Variants in SAMM50 observed in about 807,000 individuals in gnomAD.
SAMM50 encodes sorting and assembly machinery component 50 homolog.
In SAMM50, 47 loss-of-function variants were observed where a neutral mutation model predicts 66.9. That is an observed-to-expected ratio of 0.70 (90% CI 0.56 to 0.90). The LOEUF (loss-of-function observed/expected upper bound fraction) is 0.90. Among genes scored for constraint, SAMM50 ranks in the 40% least tolerant of loss-of-function variants. The pLI, the probability that SAMM50 is intolerant of heterozygous loss-of-function variation, is 0.00. For missense variants in SAMM50, 535 were observed against 595.3 expected, an observed-to-expected ratio of 0.90 and a Z score of 1.05; for synonymous variants, 191 against 214.1, an observed-to-expected ratio of 0.89 and a Z score of 0.94.
At chr22:43,955,632 C>A in intron 1 of SAMM50, 34 bp downstream of exon 1, 1 of 1,570,102 alleles carries the variant, frequency 6.4e-7, no homozygotes, top group East Asian at 2.3e-5. Flanking sequence ...GCTGCGAGGC[C>A]TCTGGGCCAG....
chr22:43,973,097 C>G, intron 6 of SAMM50, 96 bp downstream of exon 6: 1 of 1,475,606 alleles, frequency 6.8e-7, no homozygotes, highest in Non-Finnish European at 9.2e-7. Flanking sequence ...AATCAGCTGC[C>G]ACTTCTGCAG....
chr22:43,960,370 A>G (rs1044154327), intron 1 of SAMM50, among the ~76,000 whole-genome samples: 1 of 152,144 alleles, frequency 6.6e-6, no homozygotes, highest in Admixed American at 6.5e-5. Flanking sequence ...GAAAGAACGG[A>G]AAAGTCGTTC....
At chr22:43,966,779 T>C (rs1359510727) in intron 3 of SAMM50, among the ~76,000 whole-genome samples, 2 of 150,800 alleles carry the variant, frequency 1.3e-5, no homozygotes, top group East Asian at 3.9e-4. Context: ...TTTTAAATTG[T>C]ATTTATTTAA....
At chr22:43,982,491 G>C (rs1231965761) in intron 11 of SAMM50, among the ~76,000 whole-genome samples, 3 of 152,158 alleles carry the variant, frequency 2.0e-5, no homozygotes, top group Non-Finnish European at 2.9e-5. Flanking sequence ...GTAGCACCGA[G>C]GGCCTGGGAA....
Position 43,972,359 on chromosome 22 carries a change from T to A in SAMM50, c.429+17T>A, listed in dbSNP as rs2050208304. The A allele has an allele frequency of 2.8e-6, 4 of 1,434,612 alleles. No individual in the cohort carries two copies. In the East Asian group the frequency reaches 9.4e-5, roughly 34 times the overall value. 88.9% of individuals were successfully genotyped at this position (1,434,612 alleles called of 1,614,324 possible). A position where few individuals can be genotyped will look rare whatever the true frequency, so the allele number is the denominator to read the frequency against. The stretch of plus-strand genomic sequence containing the variant: ...GGCAGTATGGTATGCTACAGGCTTT[T>A]TACTTTCTTATATTGGAACTTAGAG... On this transcript the variant is annotated intron_variant, in intron 5 of 14. Transcript: ENST00000350028.
chr22:43,957,784 G>C (rs2050127632), intron 1 of SAMM50, among the ~76,000 whole-genome samples: 1 of 150,256 alleles, frequency 6.7e-6, no homozygotes, highest in African/African-American at 2.5e-5. Context: ...TGTTGAGACA[G>C]AGTCTTGCTC....
At position 43,996,521 on chromosome 22, in the gene SAMM50, G is replaced by T. The variant is rs1010669089; in HGVS notation, c.*138G>T. The T allele has an allele frequency of 5.8e-6, 5 of 858,128 alleles. No homozygotes were observed. In the African/African-American group the frequency reaches 6.7e-5, roughly 11 times the overall value. 53.2% of individuals were successfully genotyped at this position (858,128 alleles called of 1,614,324 possible). On this transcript the variant is annotated 3_prime_UTR_variant, in exon 15 of 15. Coordinates refer to ENST00000350028, the MANE Select transcript of SAMM50 (RefSeq NM_015380.5). ...GGAAACCCCGTCAATAAATGTTAAA[G>T]ACACACTCCGAGGCAGCGTGGATGT... is the stretch of plus-strand genomic sequence containing the variant.
At position 43,983,631 on chromosome 22, in the gene SAMM50, C is replaced by G. The variant is rs1272968060; in HGVS notation, c.1008-302C>G. On this transcript the variant is annotated intron_variant, in intron 11 of 14. Coordinates refer to ENST00000350028, the MANE Select transcript of SAMM50 (RefSeq NM_015380.5). The surrounding 1 kb of genome is among the most constrained non-coding windows in gnomAD (Gnocchi z 4.2). ...GAACTGCGTCATGAATTCTCACAGA[C>G]AGCTGATAGTTCCTTTGTGACAGAC... 6.6e-6 allele frequency among the ~76,000 whole-genome samples: 1 copy of G among 152,182 alleles called. No individual in the cohort carries two copies. Among genetic ancestry groups the G allele is most frequent in the Non-Finnish European group, 1.5e-5 (1 of 68,034 alleles).
intron 13 of SAMM50, among the ~76,000 whole-genome samples, chr22:43,990,051 A>C (rs926382678): frequency 2.0e-5 from 3 of 152,226 alleles, no homozygotes; most frequent in African/African-American, 7.2e-5. Flanking sequence ...AGAATTGAGA[A>C]GGCGTGGCTC....
Position 43,972,331 on chromosome 22 carries a change from G to T in SAMM50, c.418G>T (p.Glu140Ter). ...TTATAACACCATGGTTGGAAACAATGAAGGCAGTATGGTATGCTACAGGCT... is the reference window on the plus strand; with the variant it reads ...TTATAACACCATGGTTGGAAACAATTAAGGCAGTATGGTATGCTACAGGCT... The part of the protein sequence containing the change: ...GSYNTMVGNN[E>*]GSMVLGLKLP... The change falls in exon 5 of 15, where the codon GAA becomes TAA. Residue 140 changes from glutamate (E) to a stop codon, truncating the protein, a stop_gained. Transcript: ENST00000350028. LOFTEE classifies it high-confidence loss of function. The T allele has an allele frequency of 6.3e-7, 1 of 1,585,702 alleles. No individual in the cohort carries two copies. The highest frequency in any genetic ancestry group is 8.6e-7 in the Non-Finnish European group (1 of 1,164,824).
At chr22:43,961,982 A>ATG (rs150252128) in intron 1 of SAMM50, among the ~76,000 whole-genome samples, 25 of 151,238 alleles carry the variant, frequency 1.7e-4, no homozygotes, top group Middle Eastern at 3.4e-3. Context: ...TCAAGTGATT[A>ATG]TGTGTGTGTG....
At position 43,972,263 on chromosome 22, in the gene SAMM50, A is replaced by T. The variant is rs1010940178; in HGVS notation, c.350A>T (p.Asp117Val). Reference sequence around the variant, plus strand: ...GATGACGCACTTCCAAATGGGTTAGACGTTACCTTTGAAGTAACTGAATTG... The same window carrying T: ...GATGACGCACTTCCAAATGGGTTAGTCGTTACCTTTGAAGTAACTGAATTG... ...QGDDALPNGL[D>V]VTFEVTELRR... The change falls in exon 5 of 15, where the codon GAC becomes GTC. Residue 117 changes from aspartate to valine, a missense_variant. Transcript: ENST00000350028. 1 of 1,602,300 alleles carries T rather than the reference A, an allele frequency of 6.2e-7. No individual in the cohort carries two copies. Among genetic ancestry groups the T allele is most frequent in the Non-Finnish European group, 8.5e-7 (1 of 1,176,508 alleles).
At chr22:43,996,019 C>G (rs1569038579) in intron 14 of SAMM50, among the ~76,000 whole-genome samples, 1 of 152,222 alleles carries the variant, frequency 6.6e-6, no homozygotes, top group Admixed American at 6.5e-5. Flanking sequence ...CCCTGCTCCG[C>G]CTCTCATCGG....
At chr22:43,985,100 A>C (rs1293639780) in intron 12 of SAMM50, among the ~76,000 whole-genome samples, 1 of 151,934 alleles carries the variant, frequency 6.6e-6, no homozygotes, top group Non-Finnish European at 1.5e-5. Context: ...TTTACAGAAA[A>C]GTTGGGCAAA....
chr22:43,980,063 CCCATCCATCCATCCATCCGTCCGT>C (rs1306264918), intron 10 of SAMM50, among the ~76,000 whole-genome samples: 1 of 109,886 alleles, frequency 9.1e-6, no homozygotes, highest in Non-Finnish European at 2.2e-5. Flanking sequence ...CACCCATTTA[CCCATCCATCCATCCATCCGTCCGT>C]CCATCCATCC....
At chr22:43,968,248 GAAAAAAGA>G (rs1488640946) in intron 3 of SAMM50, among the ~76,000 whole-genome samples, 14 of 98,176 alleles carry the variant, frequency 1.4e-4, no homozygotes, top group South Asian at 1.0e-3. Flanking sequence ...AAAAAAAAAA[GAAAAAAGA>G]AAAAAAGAAA....
chr22:43,977,758 A>G (rs545391190), intron 9 of SAMM50, 114 bp from the exon 10 acceptor site: 10 of 666,644 alleles, frequency 1.5e-5, no homozygotes, highest in African/African-American at 1.5e-4. Context: ...AATTTTCTGT[A>G]GCCTTTAAAA....
chr22:43,974,665 CGT>C (rs2050222005), intron 7 of SAMM50: 1 of 152,286 alleles, frequency 6.6e-6, no homozygotes, highest in Non-Finnish European at 1.5e-5. Context: ...GCTTTGAAAC[CGT>C]CCTCGGATGC....
At chr22:43,995,806 G>A (rs2143571) in intron 14 of SAMM50, among the ~76,000 whole-genome samples, 38,327 of 152,152 alleles carry the variant, frequency 0.25, 5,334 homozygotes, top group East Asian at 0.39. Context: ...TAACAGATAT[G>A]GCAACCAATG....
Sources: allele counts gnomAD v4.1 joint callset (sites outside exome capture counted in the v4.1 genomes callset), GRCh38; gene constraint gnomAD v4.1.1; non-coding constraint Gnocchi (gnomAD v3.1); transcripts MANE v1.5; gene names NCBI Gene and HGNC (gene_info 2026-07-23, HGNC 2026-07-21).